The following STK32B variants were observed in gnomAD, a reference collection of about 807,000 sequenced individuals.
The protein encoded by STK32B is serine/threonine-protein kinase 32B.
Under a neutral mutation model 52.6 loss-of-function variants are expected in STK32B, and 43 were observed. The ratio of observed to expected loss-of-function variants is 0.82; its 90% confidence interval spans 0.64 to 1.05. The LOEUF (loss-of-function observed/expected upper bound fraction) is 1.05. Among genes scored for constraint, STK32B ranks in the 50% least tolerant of loss-of-function variants. STK32B has a pLI of 0.00. For missense variants in STK32B, 621 were observed against 534.6 expected (o/e 1.16, Z -1.59); for synonymous variants, 238 against 204.3 (o/e 1.17, Z -1.41).
At chr4:5,264,644 G>A (rs1228445223) in intron 3 of STK32B, among the ~76,000 whole-genome samples, 2 of 151,800 alleles carry the variant, frequency 1.3e-5, no homozygotes, top group African/African-American at 2.4e-5. Context: ...AAAAATAGCC[G>A]GGCATGGTGG....
rs1414550600 is a variant in STK32B at position 5,399,030 on chromosome 4, G to A, written c.472+786G>A. ...TGTTCTGGATCCTGTGTCCTGTGTT[G>A]GGATGGAATGCCCACAAAGTTTAAG... On this transcript the variant is annotated intron_variant, in intron 5 of 11. Coordinates refer to ENST00000282908, the MANE Select transcript of STK32B (RefSeq NM_018401.3). The surrounding 1 kb of genome is among the most constrained non-coding windows in gnomAD (Gnocchi z 5.4). Among the ~76,000 whole-genome samples the A allele has an allele frequency of 1.3e-5, 2 of 151,636 alleles. No individual in the cohort carries two copies. The highest frequency in any genetic ancestry group is 3.0e-5 in the Non-Finnish European group (2 of 67,624).
intron 3 of STK32B, chr4:5,214,244 C>G (rs1723062069): frequency 6.6e-6 from 1 of 152,256 alleles, no homozygotes; most frequent in Non-Finnish European, 1.5e-5. Flanking sequence ...GGTTCTCTCT[C>G]CCCTGCTGCC....
chr4:5,178,064 G>T lies in STK32B; in HGVS notation c.260+9614G>T, dbSNP rs193184678. On this transcript the variant is annotated intron_variant, in intron 3 of 11. Transcript: ENST00000282908. ...GTGCCCCAGTGGGGACTCTGTGTGG[G>T]GGCTCTGCTCCCACATTTCCCTTCT... Among the ~76,000 whole-genome samples, 592 of 152,324 alleles carry T rather than the reference G, an allele frequency of 3.9e-3. 4 individuals carry two copies. Among genetic ancestry groups the T allele is most frequent in the Non-Finnish European group, 4.9e-3 (331 of 68,036 alleles).
At chr4:5,471,596 G>A (rs550695989) in intron 11 of STK32B, among the ~76,000 whole-genome samples, 87 of 152,124 alleles carry the variant, frequency 5.7e-4, no homozygotes, top group African/African-American at 2.0e-3. Context: ...ACTTAGTTAC[G>A]GCCACCCAGA....
chr4:5,116,705 A>C (rs1379764305), intron 1 of STK32B, among the ~76,000 whole-genome samples: 1 of 152,220 alleles, frequency 6.6e-6, no homozygotes, highest in Non-Finnish European at 1.5e-5. Flanking sequence ...ATTTTGATAG[A>C]AATTGCATTG....
At chr4:5,498,511 T>C (rs1285783914) in intron 11 of STK32B, among the ~76,000 whole-genome samples, 1 of 152,160 alleles carries the variant, frequency 6.6e-6, no homozygotes, top group Non-Finnish European at 1.5e-5. Flanking sequence ...GATCCCCTGC[T>C]CCTAGGCATG....
chr4:5,492,306 GT>G, intron 11 of STK32B, among the ~76,000 whole-genome samples: 1 of 152,122 alleles, frequency 6.6e-6, no homozygotes, highest in Non-Finnish European at 1.5e-5. Flanking sequence ...TCCCTTGTAA[GT>G]TGGATTCCTA....
intron 4 of STK32B, among the ~76,000 whole-genome samples, chr4:5,390,164 A>G (rs555354503): frequency 6.6e-6 from 1 of 152,346 alleles, no homozygotes; most frequent in Non-Finnish European, 1.5e-5. Flanking sequence ...TTGTTACTGC[A>G]GTGGTGAGGG....
chr4:5,429,181 C>A (rs1713351615), intron 6 of STK32B, among the ~76,000 whole-genome samples: 1 of 152,136 alleles, frequency 6.6e-6, no homozygotes, highest in African/African-American at 2.4e-5. Flanking sequence ...TTATTTCTAA[C>A]CTATCTCTTT....
At chr4:5,317,121 ACAT>A (rs1289061780) in intron 3 of STK32B, among the ~76,000 whole-genome samples, 1 of 35,442 alleles carries the variant, frequency 2.8e-5, no homozygotes, top group African/African-American at 2.2e-4. Flanking sequence ...TATATATAAT[ACAT>A]TATAATATAT....
At chr4:5,342,378 G>A (rs1461127693) in intron 4 of STK32B, among the ~76,000 whole-genome samples, 1 of 152,106 alleles carries the variant, frequency 6.6e-6, no homozygotes, top group African/African-American at 2.4e-5. Flanking sequence ...CCATAAAAAA[G>A]GATGAGTTCA....
At position 5,051,774 on chromosome 4, in the gene STK32B, C is replaced by T. The variant is rs1741792207; in HGVS notation, c.-90C>T. 6.5e-7 allele frequency: 1 copy of T among 1,529,474 alleles called. No individual in the cohort carries two copies. Among genetic ancestry groups the T allele is most frequent in the Middle Eastern group, 1.7e-4 (1 of 5,848 alleles). The allele number at this position is 1,529,474 out of a possible 1,614,324, so 94.7% of individuals were successfully genotyped here. On this transcript the variant is annotated 5_prime_UTR_variant, in exon 1 of 12. Transcript: ENST00000282908. ...CGGCTACAACCCGGACTGGGCGCGC[C>T]CCCGGCATCCCGCATCTCTGCGCGC...
At chr4:5,285,839 G>C (rs763870621) in intron 3 of STK32B, among the ~76,000 whole-genome samples, 3 of 152,244 alleles carry the variant, frequency 2.0e-5, no homozygotes, top group Non-Finnish European at 4.4e-5. Flanking sequence ...ACTCTGAATT[G>C]TGTTCTTCCC....
intron 2 of STK32B, among the ~76,000 whole-genome samples, chr4:5,163,922 G>GT (rs1346974195): frequency 1.3e-5 from 2 of 152,192 alleles, no homozygotes; most frequent in Non-Finnish European, 2.9e-5. Context: ...ACCAGCCTGT[G>GT]TTTCCTGCTC....
intron 1 of STK32B, 107 bp downstream of exon 1, chr4:5,052,022 A>C: frequency 6.7e-7 from 1 of 1,486,206 alleles, no homozygotes; most frequent in Non-Finnish European, 9.1e-7. Flanking sequence ...GCGGGGACCC[A>C]GGCATGGCCA....
rs532012039 is a variant in STK32B at position 5,262,282 on chromosome 4, A to G, written c.261-68938A>G. Among the ~76,000 whole-genome samples, 3 of 152,272 alleles carry G rather than the reference A, an allele frequency of 2.0e-5. No individual in the cohort carries two copies. In the South Asian group the frequency reaches 6.2e-4, roughly 32 times the overall value. ...CATCCTCTCTCCCTTGCTGAAAAAT[A>G]ACTAAGCTTATAAAATAGCTTCCAG... On this transcript the variant is annotated intron_variant, in intron 3 of 11. Coordinates refer to ENST00000282908, the MANE Select transcript of STK32B (RefSeq NM_018401.3).
chr4:5,436,727 G>A (rs916610028), intron 6 of STK32B: 8 of 959,404 alleles, frequency 8.3e-6, no homozygotes, highest in South Asian at 9.7e-5. Context: ...ACAGTCATGG[G>A]AATTCCCTGA....
chr4:5,180,606 C>G (rs1560203081), intron 3 of STK32B, among the ~76,000 whole-genome samples: 1 of 152,182 alleles, frequency 6.6e-6, no homozygotes, highest in Admixed American at 6.5e-5. Flanking sequence ...TGGCCTCTCT[C>G]TCCCCAACCA....
At chr4:5,065,357 G>T (rs1442412484) in intron 1 of STK32B, among the ~76,000 whole-genome samples, 1 of 152,150 alleles carries the variant, frequency 6.6e-6, no homozygotes, top group Non-Finnish European at 1.5e-5. Context: ...AAACTTAGAA[G>T]GTGGCCCCCT....
Sources: allele counts gnomAD v4.1 joint callset (sites outside exome capture counted in the v4.1 genomes callset), GRCh38; gene constraint gnomAD v4.1.1; non-coding constraint Gnocchi (gnomAD v3.1); transcripts MANE v1.5; gene names NCBI Gene and HGNC (gene_info 2026-07-23, HGNC 2026-07-21).